The following PPM1L variants were observed in gnomAD, a reference collection of about 807,000 sequenced individuals.
PPM1L encodes protein phosphatase, Mg2+/Mn2+ dependent 1L, also known as protein phosphatase 1L.
PPM1L carries 13 observed loss-of-function variants against 31.4 expected under a neutral mutation model. The ratio of observed to expected loss-of-function variants is 0.41; its 90% CI spans 0.27 to 0.66. The LOEUF (loss-of-function observed/expected upper bound fraction) is 0.66. Among genes scored for constraint, PPM1L ranks in the 30% least tolerant of loss-of-function variants. The pLI, the probability that PPM1L is intolerant of heterozygous loss-of-function variation, is 0.29. For missense variants in PPM1L, 326 were observed against 453.7 expected, an observed-to-expected ratio of 0.72 and a Z score of 2.56; for synonymous variants, 184 against 175.4, an observed-to-expected ratio of 1.05 and a Z score of -0.39.
In PPM1L at chr3:160,835,744, A is replaced by C. The variant is rs534725918; in HGVS notation, c.399+79037A>C. ...CCACTTGGCCGATTCTGCATCATAG[A>C]AACTAGCTTAGCAGCATATTATCAT... is the stretch of plus-strand genomic sequence containing the variant. On this transcript the variant is annotated intron_variant, in intron 1 of 3. Coordinates refer to ENST00000498165, the MANE Select transcript of PPM1L (RefSeq NM_139245.4). 2.0e-5 allele frequency among the ~76,000 whole-genome samples: 3 copies of C among 152,276 alleles called. No individual in the cohort carries two copies. In the South Asian group the frequency reaches 6.2e-4, roughly 32 times the overall value.
At chr3:161,049,273 G>A (rs1327981455) in intron 2 of PPM1L, among the ~76,000 whole-genome samples, 3 of 150,724 alleles carry the variant, frequency 2.0e-5, no homozygotes, top group African/African-American at 7.3e-5. Flanking sequence ...GTGAGATCCT[G>A]TCTCAAAAAA....
rs112076308 is a variant in PPM1L at position 160,779,078 on chromosome 3, A to AT, written c.399+22384dup. 9.1e-3 allele frequency among the ~76,000 whole-genome samples: 1,242 copies of AT among 135,976 alleles called. 7 individuals are homozygous for AT. Among genetic ancestry groups the AT allele is most frequent in the Middle Eastern group, 0.015 (4 of 260 alleles). 89.2% of individuals were successfully genotyped at this position (135,976 alleles called of 152,430 possible). The stretch of plus-strand genomic sequence containing the variant: ...TTATAGTCCTGTTTCCTGTTATTAC[A>AT]TTTTTTTTTTTTTGCTACTTTCTGC... On this transcript the variant is annotated intron_variant, in intron 1 of 3. Transcript: ENST00000498165.
At position 160,756,578 on chromosome 3, in the gene PPM1L, C is replaced by A; in HGVS notation, c.270C>A (p.Asn90Lys). The A allele has an allele frequency of 6.2e-7, 1 of 1,614,122 alleles. No homozygotes were observed. The highest frequency in any genetic ancestry group is 8.5e-7 in the Non-Finnish European group (1 of 1,180,024). The change falls in exon 1 of 4, where the codon AAC becomes AAA. Residue 90 changes from asparagine (N) to lysine (K), a missense_variant. Physicochemically the swap from Asn to Lys is moderately conservative, Grantham distance 94 (BLOSUM62 0). Coordinates refer to ENST00000498165, the MANE Select transcript of PPM1L (RefSeq NM_139245.4). The surrounding 1 kb of genome is among the most constrained non-coding windows in gnomAD (Gnocchi z 6.2). The stretch of plus-strand genomic sequence containing the variant: ...TTTCCAAGACCTGGGAGTTCAAGAA[C>A]CACAACGTGGCGGTGTACTCCATCC... ...AEFSKTWEFK[N>K]HNVAVYSIQG...
chr3:160,832,153 G>A (rs1220766655), intron 1 of PPM1L, among the ~76,000 whole-genome samples: 1 of 152,152 alleles, frequency 6.6e-6, no homozygotes, highest in African/African-American at 2.4e-5. Flanking sequence ...AAGGAAAGGG[G>A]ATGTTGAGTT....
intron 1 of PPM1L, among the ~76,000 whole-genome samples, chr3:160,767,667 A>C (rs1715140902): frequency 6.6e-6 from 1 of 152,180 alleles, no homozygotes; most frequent in Non-Finnish European, 1.5e-5. Flanking sequence ...GGTCATTATA[A>C]ATGTGAGTGG....
chr3:160,861,863 A>G lies in PPM1L; in HGVS notation c.400-99873A>G, dbSNP rs116784723. Among the ~76,000 whole-genome samples the G allele has an allele frequency of 6.9e-3, 1,051 of 152,216 alleles. 7 individuals carry two copies. Among genetic ancestry groups the G allele is most frequent in the African/African-American group, 0.024 (1,009 of 41,542 alleles). On this transcript the variant is annotated intron_variant, in intron 1 of 3. Transcript: ENST00000498165. ...GTCTTTGGTGGTGTAGCCACCTTCT[A>G]GCAATGGCATCAGTTCAACTTTTGC... is the stretch of plus-strand genomic sequence containing the variant.
intron 1 of PPM1L, among the ~76,000 whole-genome samples, chr3:160,830,982 G>T (rs1381017845): frequency 6.6e-6 from 1 of 152,164 alleles, no homozygotes; most frequent in Non-Finnish European, 1.5e-5. Context: ...GTTGGGGATG[G>T]AATTCAGCTG....
intron 1 of PPM1L, among the ~76,000 whole-genome samples, chr3:160,834,465 ATGTGTATGTGTGTGTG>A (rs1046791213): frequency 4.3e-5 from 5 of 115,504 alleles, no homozygotes; most frequent in African/African-American, 1.9e-4. Flanking sequence ...GCATTTGTGT[ATGTGTATGTGTGTGTG>A]TGTGTGTGTG....
At chr3:160,972,764 G>A (rs1183860919) in intron 2 of PPM1L, among the ~76,000 whole-genome samples, 2 of 152,168 alleles carry the variant, frequency 1.3e-5, no homozygotes, top group East Asian at 1.9e-4. Context: ...AGATCCCTGA[G>A]GAATCGCCAC....
chr3:160,758,238 G>A (rs1234238142), intron 1 of PPM1L, among the ~76,000 whole-genome samples: 1 of 152,122 alleles, frequency 6.6e-6, no homozygotes, highest in African/African-American at 2.4e-5. Context: ...GGGAAAAAAG[G>A]CTGTGTACAT....
At chr3:160,796,334 C>T (rs1481962426) in intron 1 of PPM1L, among the ~76,000 whole-genome samples, 4 of 152,148 alleles carry the variant, frequency 2.6e-5, no homozygotes, top group Non-Finnish European at 4.4e-5. Flanking sequence ...GTAGAATGAG[C>T]TGCCTAGTCT....
At chr3:161,051,672 T>A (rs1719284894) in intron 2 of PPM1L, among the ~76,000 whole-genome samples, 1 of 152,178 alleles carries the variant, frequency 6.6e-6, no homozygotes, top group Non-Finnish European at 1.5e-5. Flanking sequence ...ATAATATTAT[T>A]GGATCAAAAT....
intron 2 of PPM1L, among the ~76,000 whole-genome samples, chr3:161,055,182 C>T (rs1284029992): frequency 6.6e-6 from 1 of 152,130 alleles, no homozygotes; most frequent in Non-Finnish European, 1.5e-5. Flanking sequence ...GTGTTTTCCA[C>T]ACAAGGTATC....
intron 2 of PPM1L, among the ~76,000 whole-genome samples, chr3:161,035,012 C>T (rs902191522): frequency 1.3e-4 from 19 of 150,428 alleles, no homozygotes; most frequent in South Asian, 8.5e-4. Context: ...CATGTTCTCA[C>T]TGATAAGTGA....
At chr3:160,786,207 A>ATATTT (rs1560106768) in intron 1 of PPM1L, among the ~76,000 whole-genome samples, 1 of 30,882 alleles carries the variant, frequency 3.2e-5, no homozygotes, top group Admixed American at 6.2e-4. Flanking sequence ...ATATATATAT[A>ATATTT]TTTTTTTTTT....
intron 2 of PPM1L, among the ~76,000 whole-genome samples, chr3:161,048,596 T>C (rs1414986835): frequency 6.6e-6 from 1 of 152,080 alleles, no homozygotes; most frequent in Admixed American, 6.6e-5. Context: ...ACCCAAAGGA[T>C]TATATATCAT....
intron 1 of PPM1L, among the ~76,000 whole-genome samples, chr3:160,957,416 C>A (rs1363638661): frequency 1.3e-5 from 2 of 152,064 alleles, no homozygotes; most frequent in African/African-American, 4.8e-5. Flanking sequence ...TGGGTATATA[C>A]CCAGTAATGG....
chr3:160,903,290 G>A (rs984964819), intron 1 of PPM1L, among the ~76,000 whole-genome samples: 1 of 150,852 alleles, frequency 6.6e-6, no homozygotes, highest in Non-Finnish European at 1.5e-5. Context: ...GCAGGAGCTG[G>A]CAGATCAAAT....
Position 160,756,657 on chromosome 3 carries a change from A to C in PPM1L, c.349A>C (p.Asn117His). ...CTTCGAAGTTCTCACGGATCTGGCCAACAAGACGCACCCGTCCATCTTCGG... is the reference window on the plus strand; with the variant it reads ...CTTCGAAGTTCTCACGGATCTGGCCCACAAGACGCACCCGTCCATCTTCGG... ...DRFEVLTDLA[N>H]KTHPSIFGIF... The change falls in exon 1 of 4, where the codon AAC becomes CAC. Residue 117 changes from asparagine to histidine, a missense_variant. Transcript: ENST00000498165. This position sits in a 1 kb window ranked among gnomAD's most constrained non-coding sequence, Gnocchi z 6.2. The C allele has an allele frequency of 6.2e-7, 1 of 1,614,042 alleles. No homozygotes were observed. The highest frequency in any genetic ancestry group is 8.5e-7 in the Non-Finnish European group (1 of 1,180,014).
Sources: allele counts gnomAD v4.1 joint callset (sites outside exome capture counted in the v4.1 genomes callset), GRCh38; gene constraint gnomAD v4.1.1; non-coding constraint Gnocchi (gnomAD v3.1); transcripts MANE v1.5; gene names NCBI Gene and HGNC (gene_info 2026-07-23, HGNC 2026-07-21).